CADM4: variants seen among roughly 807,000 people sequenced by gnomAD.
CADM4 encodes the protein cell adhesion molecule 4.
Under a neutral mutation model 43.9 loss-of-function variants are expected in CADM4, and 13 were observed. The ratio of observed to expected loss-of-function variants is 0.30; its 90% CI spans 0.19 to 0.47. The LOEUF (loss-of-function observed/expected upper bound fraction) is 0.47, where lower values mean the gene tolerates loss of function less well. Among genes scored for constraint, CADM4 ranks in the 20% least tolerant of loss-of-function variants. The probability of loss-of-function intolerance (pLI) is 1.00; values close to 1 mark genes in which losing one functional copy is unlikely to be tolerated. For synonymous variants in CADM4, 209 were observed against 220.9 expected, an observed-to-expected ratio of 0.95 and a Z score of 0.48; for missense variants, 420 against 527.0, an observed-to-expected ratio of 0.80 and a Z score of 1.99.
In CADM4 at chr19:43,624,115, C is replaced by T. The variant is rs760822179; in HGVS notation, c.1056G>A (p.Lys352=). 7 of 1,614,068 alleles carry T rather than the reference C, an allele frequency of 4.3e-6. No individual in the cohort carries two copies. The highest frequency in any genetic ancestry group is 1.1e-5 in the South Asian group (1 of 91,090). Residue 352 remains lysine (K), a splice_region_variant and synonymous_variant, in exon 8 of 9, where the codon AAG becomes AAA. Transcript: ENST00000222374. ...GAGTCCAGGCCCCGTCCCACTCACC[C>T]TTCTGCCGTACCGAGCACCAGACCA... ...VGMVWCSVRQ[K]GSYLTHEASG... is the part of the protein sequence containing the mutation.
rs1973655713 is a variant in CADM4 at position 43,633,388 on chromosome 19, T to G, written c.65-5598A>C. On this transcript the variant is annotated intron_variant, in intron 1 of 8. Coordinates refer to ENST00000222374, the MANE Select transcript of CADM4 (RefSeq NM_145296.2). ...TGCGCCTGGCCCAGAACACTTGCTA[T>G]TTCCTCACCATTGCTTTATTTCTTC... is the stretch of plus-strand genomic sequence containing the variant. Among the ~76,000 whole-genome samples the G allele has an allele frequency of 1.3e-5, 2 of 152,264 alleles. 1 individual carries two copies. Among genetic ancestry groups the G allele is most frequent in the Non-Finnish European group, 2.9e-5 (2 of 68,014 alleles).
Position 43,626,635 on chromosome 19 carries a change from C to T in CADM4, c.499+149G>A. Reference sequence around the variant, plus strand: ...ATCTCAGCCTCCCAAAGTGCTAGGACTACAGGCGTGAGCCACCGCGCTCGA... The same window carrying T: ...ATCTCAGCCTCCCAAAGTGCTAGGATTACAGGCGTGAGCCACCGCGCTCGA... On this transcript the variant is annotated intron_variant, in intron 4 of 8. Transcript: ENST00000222374. The surrounding 1 kb of genome is among the most constrained non-coding windows in gnomAD (Gnocchi z 5.9). The T allele has an allele frequency of 3.8e-6, 4 of 1,060,318 alleles. No individual in the cohort carries two copies. Among genetic ancestry groups the T allele is most frequent in the Non-Finnish European group, 5.3e-6 (4 of 752,092 alleles). The allele number at this position is 1,060,318 out of a possible 1,614,324, so 65.7% of individuals were successfully genotyped here. A position where few individuals can be genotyped will look rare whatever the true frequency, so the allele number is the denominator to read the frequency against.
At chr19:43,640,437 G>GGGTCCGGAA (rs1973761363), upstream of CADM4, among the ~76,000 whole-genome samples, 1 of 151,786 alleles carries the variant, frequency 6.6e-6, no homozygotes, top group African/African-American at 2.4e-5. Context: ...AGGGTCCGGA[G>GGGTCCGGAA]GTCGAGGCAG....
intron 1 of CADM4, among the ~76,000 whole-genome samples, chr19:43,638,260 C>T (rs559252222): frequency 1.3e-5 from 2 of 152,336 alleles, no homozygotes; most frequent in South Asian, 2.1e-4. Flanking sequence ...AACCCCTTCA[C>T]GGTCTGAGCT....
chr19:43,626,808 A>G lies in CADM4; in HGVS notation c.475T>C (p.Tyr159His), dbSNP rs112876885. The G allele has an allele frequency of 4.7e-3, 7,619 of 1,605,920 alleles. 103 individuals are homozygous for G. Among genetic ancestry groups the G allele is most frequent in the South Asian group, 0.034 (3,037 of 90,506 alleles). The change falls in exon 4 of 9, where the codon TAC (tyrosine) becomes CAC (histidine). Residue 159 changes from tyrosine to histidine, a missense_variant. Transcript: ENST00000222374. The surrounding 1 kb of genome is among the most constrained non-coding windows in gnomAD (Gnocchi z 5.9). ...CCTTTCAGCTCCTTGCGGTCCCGGT[A>G]CCAGCGCAGGGTGGCAGCCGGACGG... ...RSRPAATLRW[Y>H]RDRKELKGVS...
chr19:43,628,471 G>A (rs1255509438), intron 1 of CADM4, among the ~76,000 whole-genome samples: 1 of 151,920 alleles, frequency 6.6e-6, no homozygotes, highest in East Asian at 1.9e-4. Context: ...GTAAGCAGGA[G>A]TTCACAAGGT....
Position 43,627,139 on chromosome 19 carries a change from T to A in CADM4, c.364+27A>T. 1 of 1,537,042 alleles carries A rather than the reference T, an allele frequency of 6.5e-7. No homozygotes were observed. The highest frequency in any genetic ancestry group is 8.8e-7 in the Non-Finnish European group (1 of 1,137,910). ...AAGCAGAGAAGAAAGGAGGAGAGGA[T>A]GCGTCTGACAAGGGGGAGGGCGTTA... On this transcript the variant is annotated intron_variant, in intron 3 of 8. Transcript: ENST00000222374. This position sits in a 1 kb window ranked among gnomAD's most constrained non-coding sequence, Gnocchi z 4.0.
In CADM4 at chr19:43,623,680, G is replaced by A. The variant is rs73935017; in HGVS notation, c.1058-241C>T. 9.2e-5 allele frequency among the ~76,000 whole-genome samples: 14 copies of A among 152,164 alleles called. No individual in the cohort carries two copies. Among genetic ancestry groups the A allele is most frequent in the African/African-American group, 3.4e-4 (14 of 41,422 alleles). ...GCCACCCTTATCCTTTCTCTTGGAG[G>A]TATTTCCTTGCCCTGCTCCCAGCGA... On this transcript the variant is annotated intron_variant, in intron 8 of 8. Transcript: ENST00000222374. This position sits in a 1 kb window ranked among gnomAD's most constrained non-coding sequence, Gnocchi z 4.4.
At chr19:43,637,138 C>G (rs1973715402) in intron 1 of CADM4, among the ~76,000 whole-genome samples, 1 of 152,116 alleles carries the variant, frequency 6.6e-6, no homozygotes, top group African/African-American at 2.4e-5. Flanking sequence ...CTGGATCCTT[C>G]TTTGGGCATA....
chr19:43,638,103 G>A (rs1235192323), intron 1 of CADM4, among the ~76,000 whole-genome samples: 1 of 152,204 alleles, frequency 6.6e-6, no homozygotes, highest in African/African-American at 2.4e-5. Flanking sequence ...AGGAGGTAAT[G>A]ATGCAAGTTC....
intron 1 of CADM4, among the ~76,000 whole-genome samples, chr19:43,634,471 C>T (rs1973673162): frequency 6.6e-6 from 1 of 152,112 alleles, no homozygotes; most frequent in Non-Finnish European, 1.5e-5. Context: ...TTATCCCCTG[C>T]TCTCTGCTTG....
At position 43,626,781 on chromosome 19, in the gene CADM4, T is replaced by A; in HGVS notation, c.499+3A>T. 6.3e-7 allele frequency: 1 copy of A among 1,579,172 alleles called. No homozygotes were observed. Among genetic ancestry groups the A allele is most frequent in the Non-Finnish European group, 8.6e-7 (1 of 1,159,670 alleles). On this transcript the variant is annotated splice_donor_region_variant and intron_variant, in intron 4 of 8. Transcript: ENST00000222374. This position sits in a 1 kb window ranked among gnomAD's most constrained non-coding sequence, Gnocchi z 5.9. ...TCCCTTGTCAGCACTCGGCCCAGGG[T>A]ACCTTTCAGCTCCTTGCGGTCCCGG... is the stretch of plus-strand genomic sequence containing the variant.
intron 1 of CADM4, among the ~76,000 whole-genome samples, chr19:43,635,450 A>G (rs1015467201): frequency 3.3e-4 from 49 of 149,082 alleles, no homozygotes; most frequent in Admixed American, 2.9e-3. Context: ...CTCCTCCCTC[A>G]GAAACCTGCA....
rs779862777 is a variant in CADM4, at chr19:43,626,805, G to A, written c.478C>T (p.Arg160Trp). The change falls in exon 4 of 9, where the codon CGG becomes TGG. Residue 160 changes from arginine to tryptophan, a missense_variant. Physicochemically the swap from Arg to Trp is moderately radical, Grantham distance 101. Transcript: ENST00000222374. The surrounding 1 kb of genome is among the most constrained non-coding windows in gnomAD (Gnocchi z 5.9). ...GTACCTTTCAGCTCCTTGCGGTCCC[G>A]GTACCAGCGCAGGGTGGCAGCCGGA... The part of the protein sequence containing the change: ...SRPAATLRWY[R>W]DRKELKGVSS... 1.2e-6 allele frequency: 2 copies of A among 1,603,352 alleles called. No individual in the cohort carries two copies. Among genetic ancestry groups the A allele is most frequent in the South Asian group, 1.1e-5 (1 of 90,322 alleles).
chr19:43,623,450 G>A lies in CADM4; in HGVS notation c.1058-11C>T, dbSNP rs184096640. ...GGGTCAGATAGGAACCTGAGGGGGT[G>A]ACAGACCCCCGGGGCAGGGGGGACA... On this transcript the variant is annotated splice_polypyrimidine_tract_variant and intron_variant, in intron 8 of 8. Coordinates refer to ENST00000222374, the MANE Select transcript of CADM4 (RefSeq NM_145296.2). The surrounding 1 kb of genome is among the most constrained non-coding windows in gnomAD (Gnocchi z 4.4). 1.6e-4 allele frequency: 243 copies of A among 1,567,094 alleles called. 1 individual carries two copies. The African/African-American group carries it at 2.7e-3, about 18-fold the overall frequency.
At chr19:43,633,545 A>T (rs2146153883) in intron 1 of CADM4, among the ~76,000 whole-genome samples, 1 of 152,314 alleles carries the variant, frequency 6.6e-6, no homozygotes, top group Non-Finnish European at 1.5e-5. Context: ...CACCCCTAGT[A>T]CCCAGAAGAG....
rs76523569 is a variant in CADM4 at position 43,631,733 on chromosome 19, C to T, written c.65-3943G>A. 3.9e-3 allele frequency among the ~76,000 whole-genome samples: 596 copies of T among 152,154 alleles called. 15 individuals carry two copies. The East Asian group carries it at 0.055, about 14-fold the overall frequency. On this transcript the variant is annotated intron_variant, in intron 1 of 8. Transcript: ENST00000222374. ...GCCACCTGGAACTAACAGTGTGACG[C>T]GTGGAATTTAGGCAGCCATATTGAA...
intron 1 of CADM4, among the ~76,000 whole-genome samples, chr19:43,636,742 C>A (rs1055029348): frequency 8.6e-5 from 13 of 150,964 alleles, no homozygotes; most frequent in Non-Finnish European, 1.6e-4. Flanking sequence ...GAACCTGACC[C>A]CCACCCCCAG....
At position 43,630,290 on chromosome 19, in the gene CADM4, T is replaced by TC. The variant is rs1470987020; in HGVS notation, c.65-2501_65-2500insG. ...TTTCCATTTTTCTTTTCTTTTTTTT[T>TC]TTTTTTTTTTTTTGAGACATTGTCT... is the stretch of plus-strand genomic sequence containing the variant. On this transcript the variant is annotated intron_variant, in intron 1 of 8. Transcript: ENST00000222374. Among the ~76,000 whole-genome samples, 21 of 138,570 alleles carry TC rather than the reference T, an allele frequency of 1.5e-4. 1 individual carries two copies. Among genetic ancestry groups the TC allele is most frequent in the African/African-American group, 5.9e-4 (21 of 35,346 alleles). 90.9% of individuals were successfully genotyped at this position (138,570 alleles called of 152,430 possible). A position where few individuals can be genotyped will look rare whatever the true frequency, so the allele number is the denominator to read the frequency against.
Sources: gnomAD v4.1 joint callset for allele counts (sites outside exome capture counted in the v4.1 genomes callset) on GRCh38, gnomAD v4.1.1 for gene constraint, Gnocchi (gnomAD v3.1) non-coding constraint, MANE v1.5 for transcripts, NCBI Gene and HGNC (gene_info 2026-07-23, HGNC 2026-07-21) for gene names.